The following EZH2 variants were observed in gnomAD, a reference collection of about 807,000 sequenced individuals.
The protein encoded by EZH2 is enhancer of zeste 2 polycomb repressive complex 2 subunit, also known as histone-lysine N-methyltransferase EZH2.
In EZH2, 18 loss-of-function variants were observed where a neutral mutation model predicts 98.4. The ratio of observed to expected loss-of-function variants is 0.18; its 90% confidence interval spans 0.13 to 0.27. The LOEUF is 0.27. EZH2 is among the 10% of genes least tolerant of loss of function. The pLI, the probability that EZH2 is intolerant of heterozygous loss-of-function variation, is 1.00. For synonymous variants in EZH2, 338 were observed against 312.3 expected, an observed-to-expected ratio of 1.08 and a Z score of -0.87; for missense variants, 470 against 935.1, an observed-to-expected ratio of 0.50 and a Z score of 6.49.
At chr7:148,877,041 G>A (rs1295445493) in intron 1 of EZH2, among the ~76,000 whole-genome samples, 1 of 151,886 alleles carries the variant, frequency 6.6e-6, no homozygotes, top group East Asian at 1.9e-4. Context: ...AGCATATAGT[G>A]AGCCCTAAAG....
intron 17 of EZH2, among the ~76,000 whole-genome samples, chr7:148,809,992 C>T (rs922784564): frequency 6.6e-6 from 1 of 152,242 alleles, no homozygotes; most frequent in African/African-American, 2.4e-5. Context: ...CCTCCTTCCC[C>T]GCTCAGAGGC....
chr7:148,846,455 G>A lies in EZH2; in HGVS notation c.246+15C>T. The A allele has an allele frequency of 6.2e-7, 1 of 1,606,284 alleles. No individual in the cohort carries two copies. Among genetic ancestry groups the A allele is most frequent in the Non-Finnish European group, 8.5e-7 (1 of 1,176,340 alleles). On this transcript the variant is annotated intron_variant, in intron 3 of 19. Transcript: ENST00000320356. ...AAGATGATGATAATTACTACAACAT[G>A]TTATGTTAACCAACCTCCCTAGTCC...
intron 1 of EZH2, among the ~76,000 whole-genome samples, chr7:148,856,042 AAAC>A (rs779399705): frequency 2.6e-5 from 4 of 152,182 alleles, no homozygotes; most frequent in Non-Finnish European, 5.9e-5. Context: ...ATGCAAATAA[AAAC>A]AAAACAGGAT....
intron 19 of EZH2, among the ~76,000 whole-genome samples, chr7:148,807,966 C>T (rs1239828397): frequency 6.6e-6 from 1 of 152,228 alleles, no homozygotes; most frequent in Non-Finnish European, 1.5e-5. Flanking sequence ...CAAGCATTCC[C>T]AGAGCCTGAC....
chr7:148,835,646 T>TA (rs996640122), intron 3 of EZH2, among the ~76,000 whole-genome samples: 195 of 147,160 alleles, frequency 1.3e-3, no homozygotes, highest in African/African-American at 2.8e-3. Context: ...TTTCATTTCT[T>TA]AAAAAAAAAA....
chr7:148,849,600 C>T (rs755733841), intron 1 of EZH2, among the ~76,000 whole-genome samples: 1 of 152,014 alleles, frequency 6.6e-6, no homozygotes, highest in Non-Finnish European at 1.5e-5. Flanking sequence ...GACAGTCACT[C>T]GGATTAAGCA....
chr7:148,879,673 G>C (rs993852931), intron 1 of EZH2, among the ~76,000 whole-genome samples: 3 of 152,114 alleles, frequency 2.0e-5, no homozygotes, highest in Non-Finnish European at 2.9e-5. Flanking sequence ...CTAGGTGACA[G>C]AGTGACACTG....
intron 3 of EZH2, among the ~76,000 whole-genome samples, chr7:148,842,157 A>G (rs1243639691): frequency 2.0e-5 from 3 of 152,172 alleles, no homozygotes; most frequent in Admixed American, 6.5e-5. Flanking sequence ...CTAGAAATGT[A>G]TATTGGCAAG....
intron 1 of EZH2, among the ~76,000 whole-genome samples, chr7:148,872,288 A>G (rs770679919): frequency 6.6e-6 from 1 of 152,198 alleles, no homozygotes; most frequent in Non-Finnish European, 1.5e-5. Context: ...ACAGTCAAAA[A>G]TCATGGAAAC....
At chr7:148,865,314 G>C (rs537764292) in intron 1 of EZH2, among the ~76,000 whole-genome samples, 1 of 152,028 alleles carries the variant, frequency 6.6e-6, no homozygotes. Flanking sequence ...CTTATACCAC[G>C]CATAAGCCAA....
intron 8 of EZH2, among the ~76,000 whole-genome samples, chr7:148,822,758 A>G (rs893019423): frequency 3.3e-5 from 5 of 152,042 alleles, no homozygotes; most frequent in African/African-American, 1.2e-4. Context: ...CCTGGCCAAC[A>G]TGGTGAAACC....
rs117094636 is a variant in EZH2, at chr7:148,834,896, A to G, written c.247-2146T>C. On this transcript the variant is annotated intron_variant, in intron 3 of 19. Coordinates refer to ENST00000320356, the MANE Select transcript of EZH2 (RefSeq NM_004456.5). ...CTTAATTATTCCTCATTACAACCTTATGGTGTAGTTTTAGCATCAAAACTT... is the reference window on the plus strand; with the variant it reads ...CTTAATTATTCCTCATTACAACCTTGTGGTGTAGTTTTAGCATCAAAACTT... Among the ~76,000 whole-genome samples, 480 of 152,336 alleles carry G rather than the reference A, an allele frequency of 3.2e-3. 7 individuals are homozygous for G. The highest frequency in any genetic ancestry group is 0.02 in the East Asian group (104 of 5,190).
At chr7:148,855,278 ACT>A (rs1197830145) in intron 1 of EZH2, among the ~76,000 whole-genome samples, 1 of 152,196 alleles carries the variant, frequency 6.6e-6, no homozygotes, top group African/African-American at 2.4e-5. Flanking sequence ...GGGTAGCAGC[ACT>A]CTCTATTTCA....
At chr7:148,831,451 C>T (rs889012269) in intron 4 of EZH2, among the ~76,000 whole-genome samples, 6 of 152,152 alleles carry the variant, frequency 3.9e-5, no homozygotes, top group Admixed American at 1.3e-4. Flanking sequence ...CTCTCCAAAA[C>T]GTATCTTAGT....
intron 3 of EZH2, among the ~76,000 whole-genome samples, chr7:148,837,308 G>GACTA (rs1811150555): frequency 6.6e-6 from 1 of 152,170 alleles, no homozygotes; most frequent in African/African-American, 2.4e-5. Context: ...GTAAACTGTT[G>GACTA]ACATTGTCTA....
rs564526292 is a variant in EZH2 at position 148,875,135 on chromosome 7, A to G, written c.-8+9029T>C. Among the ~76,000 whole-genome samples, 26 of 152,336 alleles carry G rather than the reference A, an allele frequency of 1.7e-4. No individual in the cohort carries two copies. The East Asian group carries it at 4.6e-3, about 27-fold the overall frequency. On this transcript the variant is annotated intron_variant, in intron 1 of 19. Transcript: ENST00000320356. ...TTCAAAACTAGTTTAATTAAAAAAA[A>G]TTATCATCCATACACCTAACAGCAT...
chr7:148,839,264 T>C (rs1811797802), intron 3 of EZH2, among the ~76,000 whole-genome samples: 1 of 152,156 alleles, frequency 6.6e-6, no homozygotes, highest in African/African-American at 2.4e-5. Flanking sequence ...ATTCATTAAT[T>C]ACTCAGTAAA....
chr7:148,869,682 G>A (rs1430043886), intron 1 of EZH2, among the ~76,000 whole-genome samples: 1 of 152,204 alleles, frequency 6.6e-6, no homozygotes, highest in African/African-American at 2.4e-5. Flanking sequence ...GGGAACCTAG[G>A]CAAGTTATTT....
intron 4 of EZH2, among the ~76,000 whole-genome samples, chr7:148,831,537 A>G (rs1477333999): frequency 6.6e-6 from 1 of 152,234 alleles, no homozygotes; most frequent in Non-Finnish European, 1.5e-5. Flanking sequence ...CCCAGGCTAG[A>G]CCAGCAAAAT....
Sources: gnomAD v4.1 joint callset for allele counts (sites outside exome capture counted in the v4.1 genomes callset) on GRCh38, gnomAD v4.1.1 for gene constraint, MANE v1.5 for transcripts, NCBI Gene and HGNC (gene_info 2026-07-23, HGNC 2026-07-21) for gene names.